The following SVEP1 variants were observed in gnomAD, a reference collection of about 807,000 sequenced individuals.
The protein encoded by SVEP1 is sushi, von Willebrand factor type A, EGF and pentraxin domain containing 1, also known as sushi, von Willebrand factor type A, EGF and pentraxin domain-containing protein 1.
A neutral mutation model predicts 367.3 loss-of-function variants in SVEP1; 164 were observed. The ratio of observed to expected loss-of-function variants is 0.45; its 90% CI spans 0.39 to 0.51. The LOEUF (loss-of-function observed/expected upper bound fraction) is 0.51, where lower values mean the gene tolerates loss of function less well. SVEP1 is among the 20% of genes least tolerant of loss of function. The probability of loss-of-function intolerance (pLI) is 0.00; values close to 1 mark genes in which losing one functional copy is unlikely to be tolerated. For missense variants in SVEP1, 4,117 were observed against 4,425.3 expected (o/e 0.93, Z 1.98); for synonymous variants, 1,666 against 1,611.6 (o/e 1.03, Z -0.81).
intron 21 of SVEP1, among the ~76,000 whole-genome samples, chr9:110,456,741 A>G (rs1214557657): frequency 6.6e-6 from 1 of 152,238 alleles, no homozygotes; most frequent in East Asian, 1.9e-4. Flanking sequence ...AATGTGAACC[A>G]AACTGTTAAA....
intron 18 of SVEP1, among the ~76,000 whole-genome samples, chr9:110,464,031 T>TA (rs896995198): frequency 6.3e-4 from 95 of 151,294 alleles, no homozygotes; most frequent in African/African-American, 1.8e-3. Context: ...TTTAGAAAGC[T>TA]AAAAAAAAAT....
chr9:110,507,677 T>C (rs1160626698), intron 5 of SVEP1, among the ~76,000 whole-genome samples: 3 of 152,240 alleles, frequency 2.0e-5, no homozygotes, highest in Non-Finnish European at 4.4e-5. Context: ...GAATCTTTAT[T>C]GTGTCTATCA....
chr9:110,460,381 G>GT (rs889785090), intron 18 of SVEP1, among the ~76,000 whole-genome samples: 62 of 152,094 alleles, frequency 4.1e-4, no homozygotes, highest in African/African-American at 1.4e-3. Flanking sequence ...AGTATAACGT[G>GT]TATTATTAGT....
At chr9:110,477,207 A>G (rs1829108861) in intron 13 of SVEP1, among the ~76,000 whole-genome samples, 1 of 152,126 alleles carries the variant, frequency 6.6e-6, no homozygotes, top group Non-Finnish European at 1.5e-5. Flanking sequence ...CAGGAATCCA[A>G]CAGTTCCTTG....
intron 46 of SVEP1, among the ~76,000 whole-genome samples, chr9:110,372,157 T>A (rs182857352): frequency 2.6e-5 from 4 of 152,344 alleles, no homozygotes; most frequent in Admixed American, 2.6e-4. Flanking sequence ...GCTGCAATGA[T>A]TTTCTTCTGG....
chr9:110,450,161 G>C lies in SVEP1; in HGVS notation c.4001C>G (p.Pro1334Arg). 6.2e-7 allele frequency: 1 copy of C among 1,613,856 alleles called. No homozygotes were observed. ...DQVGGFLCKCPPGFLGTRCGK... is the reference protein window; with the variant it reads ...DQVGGFLCKCRPGFLGTRCGK... Reference sequence around the variant, plus strand: ...ACATCGGGTACCCAAAAATCCAGGTGGGCATTTGCACAAGAATCCCCCAAC... The same window carrying C: ...ACATCGGGTACCCAAAAATCCAGGTCGGCATTTGCACAAGAATCCCCCAAC... The change falls in exon 24 of 48, where the codon CCA becomes CGA. Residue 1334 changes from proline (P) to arginine (R), a missense_variant. Around this residue, in one of 4 missense-constraint regions of SVEP1, gnomAD observed 2,174 missense variants for 2,494.3 expected, o/e 0.87. Coordinates refer to ENST00000374469, the MANE Select transcript of SVEP1 (RefSeq NM_153366.4).
chr9:110,403,296 G>GTGTTTTTTTTTTTT (rs1827893050), intron 39 of SVEP1, among the ~76,000 whole-genome samples: 6 of 43,458 alleles, frequency 1.4e-4, no homozygotes, highest in East Asian at 1.4e-3. Context: ...CGCCACCGCC[G>GTGTTTTTTTTTTTT]TTTTTTTTTT....
intron 16 of SVEP1, among the ~76,000 whole-genome samples, 168 bp from the exon 17 acceptor site, chr9:110,469,269 T>C (rs934396911): frequency 1.6e-4 from 25 of 152,170 alleles, no homozygotes; most frequent in African/African-American, 5.5e-4. Flanking sequence ...TTCAGAAATA[T>C]ATTCCCAGAA....
chr9:110,435,394 C>A, intron 28 of SVEP1, 30 bp from the exon 29 acceptor site: 2 of 1,607,370 alleles, frequency 1.2e-6, no homozygotes, highest in Non-Finnish European at 1.7e-6. Flanking sequence ...TTAGATAAGC[C>A]TTACTTGTTC....
chr9:110,541,843 A>T (rs1391229675), intron 3 of SVEP1, among the ~76,000 whole-genome samples: 1 of 138,028 alleles, frequency 7.2e-6, no homozygotes, highest in Non-Finnish European at 1.6e-5. Flanking sequence ...ATATACATAG[A>T]TATCTATATA....
intron 28 of SVEP1, among the ~76,000 whole-genome samples, chr9:110,435,682 T>C (rs1399555493): frequency 6.6e-6 from 1 of 152,168 alleles, no homozygotes; most frequent in East Asian, 1.9e-4. Context: ...TCATTCTATG[T>C]CTTTGACCTC....
Position 110,499,197 on chromosome 9 carries a change from T to A in SVEP1, c.1525A>T (p.Ile509Leu). The A allele has an allele frequency of 6.2e-7, 1 of 1,613,356 alleles. No individual in the cohort carries two copies. Residue 509 changes from isoleucine (I) to leucine (L), a missense_variant, in exon 7 of 48, where the codon ATA becomes TTA. By Grantham distance (5) the Ile-to-Leu change is conservative. This residue lies in a region of SVEP1 where 2,174 missense variants were observed against 2,494.3 expected (regional missense o/e 0.87). Coordinates refer to ENST00000374469, the MANE Select transcript of SVEP1 (RefSeq NM_153366.4). ...STFQMPKDVI[I>L]SPHNCGKQPA... ...TGCTTGCCACAGTTGTGGGGGGATATGATGACATCTTTGGGCATCTGAAAG... is the reference window on the plus strand; with the variant it reads ...TGCTTGCCACAGTTGTGGGGGGATAAGATGACATCTTTGGGCATCTGAAAG...
intron 24 of SVEP1, among the ~76,000 whole-genome samples, chr9:110,448,171 T>TCG (rs10687262): frequency 0.64 from 85,406 of 134,400 alleles, 24,003 homozygotes; most frequent in East Asian, 0.7. Flanking sequence ...GTGCGCGCGC[T>TCG]CGCGCGTGTG....
intron 46 of SVEP1, among the ~76,000 whole-genome samples, chr9:110,371,523 C>A (rs1270331225): frequency 6.6e-6 from 1 of 152,052 alleles, no homozygotes; most frequent in African/African-American, 2.4e-5. Context: ...AACTATCATC[C>A]AACTGCTTAT....
chr9:110,524,718 T>TAC (rs35477110), intron 3 of SVEP1, among the ~76,000 whole-genome samples: 14 of 143,838 alleles, frequency 9.7e-5, no homozygotes, highest in East Asian at 8.2e-4. Context: ...TTATTATTAC[T>TAC]TTTTTTTTTT....
chr9:110,546,232 C>T lies in SVEP1; in HGVS notation c.847G>A (p.Glu283Lys), dbSNP rs370903017. Reference sequence around the variant, plus strand: ...ATTCGGTCACAGCAGTCCTTGCCTTCATCACAAAGATATGAGCAGTGGACC... The same window carrying T: ...ATTCGGTCACAGCAGTCCTTGCCTTTATCACAAAGATATGAGCAGTGGACC... Reference protein sequence around the residue: ...DMVHCSYLCDEGKDCCDRMGS... With the variant: ...DMVHCSYLCDKGKDCCDRMGS... Residue 283 changes from glutamate (E) to lysine (K), a missense_variant, in exon 3 of 48, where the codon GAA becomes AAA. This residue lies in a region of SVEP1 where 2,174 missense variants were observed against 2,494.3 expected (regional missense o/e 0.87). Coordinates refer to ENST00000374469, the MANE Select transcript of SVEP1 (RefSeq NM_153366.4). 1.9e-5 allele frequency: 31 copies of T among 1,590,112 alleles called. No individual in the cohort carries two copies. The African/African-American group carries it at 3.6e-4, about 19-fold the overall frequency.
At chr9:110,375,724 C>G (rs532849926) in intron 45 of SVEP1, among the ~76,000 whole-genome samples, 1 of 150,002 alleles carries the variant, frequency 6.7e-6, no homozygotes, top group East Asian at 1.9e-4. Context: ...GAAGACACTC[C>G]GTAATCAGTG....
chr9:110,414,668 T>C (rs7467893), intron 36 of SVEP1, among the ~76,000 whole-genome samples: 12,403 of 152,030 alleles, frequency 0.082, 556 homozygotes, highest in African/African-American at 0.091. Context: ...AATGATTTGA[T>C]TGACACACTG....
intron 43 of SVEP1, among the ~76,000 whole-genome samples, chr9:110,384,294 T>C (rs1827487033): frequency 1.4e-5 from 2 of 140,074 alleles, no homozygotes; most frequent in Non-Finnish European, 3.3e-5. Context: ...TTGCCCCATG[T>C]GGCTCCCAGG....
Sources: gnomAD v4.1 joint callset for allele counts (sites outside exome capture counted in the v4.1 genomes callset) on GRCh38, gnomAD v4.1.1 for gene constraint, gnomAD v4.1.1 regional missense constraint, MANE v1.5 for transcripts, NCBI Gene and HGNC (gene_info 2026-07-23, HGNC 2026-07-21) for gene names.